RELN: variants seen among roughly 807,000 people sequenced by gnomAD.
RELN encodes the protein reelin.
RELN carries 108 observed loss-of-function variants against 427.6 expected under a neutral mutation model. The ratio of observed to expected loss-of-function variants is 0.25; its 90% CI spans 0.22 to 0.30. The LOEUF (loss-of-function observed/expected upper bound fraction) is 0.30. Ranked by LOEUF, RELN falls within the 10% of genes least tolerant of loss-of-function variation. RELN has a pLI of 1.00. For synonymous variants in RELN, 1,524 were observed against 1,513.4 expected, an observed-to-expected ratio of 1.01 and a Z score of -0.16; for missense variants, 3,715 against 4,302.8, an observed-to-expected ratio of 0.86 and a Z score of 3.82.
intron 4 of RELN, among the ~76,000 whole-genome samples, chr7:103,764,853 A>AAT (rs1193595969): frequency 0.013 from 1,951 of 150,858 alleles, 56 homozygotes; most frequent in African/African-American, 0.045. Context: ...AAAAAAAAAA[A>AAT]AAGTGCAAAA....
At chr7:103,846,551 G>T (rs1175850784) in intron 2 of RELN, among the ~76,000 whole-genome samples, 10 of 152,028 alleles carry the variant, frequency 6.6e-5, no homozygotes, top group Admixed American at 6.6e-4. Context: ...CAAAAGCAAC[G>T]GCAACAAAAG....
chr7:103,820,327 T>C (rs1421203706), intron 3 of RELN, among the ~76,000 whole-genome samples: 2 of 152,110 alleles, frequency 1.3e-5, no homozygotes. Context: ...GTAAGGTACA[T>C]TTTTCTGTTC....
chr7:103,936,069 C>T (rs1452160807), intron 1 of RELN, among the ~76,000 whole-genome samples: 3 of 151,388 alleles, frequency 2.0e-5, no homozygotes, highest in Non-Finnish European at 4.4e-5. Context: ...TATTACCTCC[C>T]TATTCATCTT....
In RELN at chr7:103,818,225, T is replaced by C. The variant is rs1792928029; in HGVS notation, c.473+15312A>G. On this transcript the variant is annotated intron_variant, in intron 3 of 64. Transcript: ENST00000428762. The stretch of plus-strand genomic sequence containing the variant: ...TTAATACTAGTTAGTTGCAAGGCTA[T>C]GCATTCCAGGGAGCTTTGGAAAAGA... Among the ~76,000 whole-genome samples the C allele has an allele frequency of 2.0e-5, 3 of 152,222 alleles. No homozygotes were observed. The South Asian group carries it at 6.2e-4, about 31-fold the overall frequency.
At chr7:103,604,831 CTT>C (rs34015200) in intron 22 of RELN, among the ~76,000 whole-genome samples, 8 of 138,666 alleles carry the variant, frequency 5.8e-5, no homozygotes, top group Non-Finnish European at 1.5e-5. Flanking sequence ...ACCTATCTTT[CTT>C]TTTTTTTTTT....
chr7:103,762,556 C>T (rs552115318), intron 4 of RELN, among the ~76,000 whole-genome samples: 2 of 152,298 alleles, frequency 1.3e-5, no homozygotes, highest in East Asian at 3.9e-4. Flanking sequence ...AGTAGAGAGA[C>T]TCTATCTTGA....
intron 2 of RELN, among the ~76,000 whole-genome samples, chr7:103,857,449 A>G (rs1260440920): frequency 6.6e-6 from 1 of 152,170 alleles, no homozygotes; most frequent in Non-Finnish European, 1.5e-5. Flanking sequence ...TCTCCATCCA[A>G]CATGCAGGGG....
chr7:103,961,157 C>T lies in RELN; in HGVS notation c.226+27974G>A, dbSNP rs546672969. Among the ~76,000 whole-genome samples the T allele has an allele frequency of 2.4e-4, 36 of 152,280 alleles. 1 individual carries two copies. In the South Asian group the frequency reaches 6.6e-3, roughly 28 times the overall value. On this transcript the variant is annotated intron_variant, in intron 1 of 64. Coordinates refer to ENST00000428762, the MANE Select transcript of RELN (RefSeq NM_005045.4). ...ACCTGTATTCTTCACTAAGGTAAAC[C>T]ATAACAACTGTGAGAGAAAACATTT...
rs2116986953 is a variant in RELN at position 103,486,383 on chromosome 7, G to T, written c.9797C>A (p.Pro3266His). The change falls in exon 61 of 65, where the codon CCC (proline) becomes CAC (histidine). Residue 3266 changes from proline to histidine, a missense_variant. This residue lies in a region of RELN where 195 missense variants were observed against 281.3 expected (regional missense o/e 0.69). Coordinates refer to ENST00000428762, the MANE Select transcript of RELN (RefSeq NM_005045.4). ...DDCSVFSHDL[P>H]SYIKDNFESA... ...CTCAAAATTATCTTTAATATAACTGGGAAGGTCGTGACTGAAAACAGAGCA... is the reference window on the plus strand; with the variant it reads ...CTCAAAATTATCTTTAATATAACTGTGAAGGTCGTGACTGAAAACAGAGCA... 6.2e-7 allele frequency: 1 copy of T among 1,614,078 alleles called. No homozygotes were observed. Among genetic ancestry groups the T allele is most frequent in the East Asian group, 2.2e-5 (1 of 44,884 alleles).
At chr7:103,614,851 G>C (rs1832043983) in intron 20 of RELN, among the ~76,000 whole-genome samples, 1 of 152,130 alleles carries the variant, frequency 6.6e-6, no homozygotes, top group Non-Finnish European at 1.5e-5. Flanking sequence ...TTAAACTCCA[G>C]ACCATTCATA....
chr7:103,769,985 C>T (rs1315187509), intron 4 of RELN, among the ~76,000 whole-genome samples: 1 of 152,182 alleles, frequency 6.6e-6, no homozygotes, highest in African/African-American at 2.4e-5. Flanking sequence ...ACAGAATTGT[C>T]CCCACTTCCA....
At chr7:103,795,957 G>A (rs1792288792) in intron 3 of RELN, among the ~76,000 whole-genome samples, 1 of 152,084 alleles carries the variant, frequency 6.6e-6, no homozygotes, top group Non-Finnish European at 1.5e-5. Flanking sequence ...AGTTCATTAT[G>A]GCTCATTGCT....
At chr7:103,488,320 A>C (rs1200810175) in intron 60 of RELN, among the ~76,000 whole-genome samples, 1 of 152,196 alleles carries the variant, frequency 6.6e-6, no homozygotes, top group East Asian at 1.9e-4. Flanking sequence ...CATTTTTTCT[A>C]CATGTCCTTA....
chr7:103,848,021 C>A (rs905972076), intron 2 of RELN, among the ~76,000 whole-genome samples: 1 of 152,188 alleles, frequency 6.6e-6, no homozygotes, highest in Non-Finnish European at 1.5e-5. Context: ...TATATGGCAG[C>A]AGTCACAGGT....
chr7:103,520,251 C>G (rs1829668643), intron 48 of RELN, among the ~76,000 whole-genome samples: 1 of 152,018 alleles, frequency 6.6e-6, no homozygotes, highest in Non-Finnish European at 1.5e-5. Flanking sequence ...GAATCAACCA[C>G]TAAGAAAATA....
chr7:103,908,815 T>C (rs930191414), intron 2 of RELN, among the ~76,000 whole-genome samples: 1 of 152,198 alleles, frequency 6.6e-6, no homozygotes, highest in African/African-American at 2.4e-5. Context: ...TAAGTTAATA[T>C]CCTGTTAAAA....
chr7:103,956,395 TAAAGA>T (rs1163719698), intron 1 of RELN, among the ~76,000 whole-genome samples: 1 of 152,114 alleles, frequency 6.6e-6, no homozygotes, highest in Non-Finnish European at 1.5e-5. Context: ...TAATCTCCTG[TAAAGA>T]AAAGACCAGG....
chr7:103,807,777 G>A (rs1167241929), intron 3 of RELN, among the ~76,000 whole-genome samples: 2 of 152,146 alleles, frequency 1.3e-5, no homozygotes, highest in African/African-American at 4.8e-5. Context: ...CCATGTTGCT[G>A]CAAAGGGCAT....
Position 103,575,545 on chromosome 7 carries a change from T to C in RELN, c.4303+3A>G, listed in dbSNP as rs753625585. On this transcript the variant is annotated splice_donor_region_variant and intron_variant, in intron 29 of 64. Coordinates refer to ENST00000428762, the MANE Select transcript of RELN (RefSeq NM_005045.4). ...ACCCTCAGACACATGTATTTAGCCTTACCAGTATATCCCAGGTCACAGAAA... is the reference window on the plus strand; with the variant it reads ...ACCCTCAGACACATGTATTTAGCCTCACCAGTATATCCCAGGTCACAGAAA... 5.0e-6 allele frequency: 8 copies of C among 1,613,984 alleles called. No individual in the cohort carries two copies. The South Asian group carries it at 8.8e-5, about 18-fold the overall frequency.
Sources: allele counts gnomAD v4.1 joint callset (sites outside exome capture counted in the v4.1 genomes callset), GRCh38; gene constraint gnomAD v4.1.1; regional missense constraint gnomAD v4.1.1; transcripts MANE v1.5; gene names NCBI Gene and HGNC (gene_info 2026-07-23, HGNC 2026-07-21).